CACNA2D4: variants seen among roughly 807,000 people sequenced by gnomAD.
CACNA2D4 encodes the protein calcium voltage-gated channel auxiliary subunit alpha2delta 4.
Under a neutral mutation model 163.8 loss-of-function variants are expected in CACNA2D4, and 157 were observed. The observed-to-expected ratio is 0.96, with a 90% confidence interval of 0.84 to 1.09. The LOEUF is 1.09. CACNA2D4 is among the 50% of genes least tolerant of loss of function. CACNA2D4 has a pLI of 0.00. For missense variants in CACNA2D4, 1,410 were observed against 1,479.9 expected, an observed-to-expected ratio of 0.95 and a Z score of 0.78; for synonymous variants, 598 against 586.9, an observed-to-expected ratio of 1.02 and a Z score of -0.27.
chr12:1,913,466 C>T (rs1273087179), intron 2 of CACNA2D4, among the ~76,000 whole-genome samples: 1 of 152,222 alleles, frequency 6.6e-6, no homozygotes, highest in African/African-American at 2.4e-5. Flanking sequence ...CTGATGGGGC[C>T]AGGTCTCTCA....
intron 29 of CACNA2D4, among the ~76,000 whole-genome samples, chr12:1,809,207 T>G (rs2154445765): frequency 6.6e-6 from 1 of 152,352 alleles, no homozygotes; most frequent in African/African-American, 2.4e-5. Context: ...ACGACTTCTT[T>G]GGATCCGAAG....
chr12:1,805,902 G>T (rs1191049554), intron 29 of CACNA2D4, among the ~76,000 whole-genome samples: 2 of 152,240 alleles, frequency 1.3e-5, no homozygotes, highest in African/African-American at 4.8e-5. Context: ...GGCCGCAGGC[G>T]GCAGGGAAGG....
intron 24 of CACNA2D4, among the ~76,000 whole-genome samples, chr12:1,845,138 T>C (rs537167592): frequency 6.6e-6 from 1 of 151,888 alleles, no homozygotes; most frequent in South Asian, 2.1e-4. Context: ...ATAACTGAGA[T>C]TTGGTTTTGA....
chr12:1,811,720 G>T lies in CACNA2D4; in HGVS notation c.2555C>A (p.Ala852Glu). Reference protein sequence around the residue: ...VDKRTAIAAAAGVQMKLEFLQ... With the variant: ...VDKRTAIAAAEGVQMKLEFLQ... ...GAATTCCAGCTTCATTTGGACGCCC[G>T]CGGCTACAGGGCAGAAAGAGAGAGG... The change falls in exon 27 of 38, where the codon GCG becomes GAG. Residue 852 changes from alanine to glutamate, a missense_variant. Ala to Glu is a moderately radical substitution (Grantham distance 107, BLOSUM62 -1). Coordinates refer to ENST00000382722, the MANE Select transcript of CACNA2D4 (RefSeq NM_172364.5). 3 of 1,558,692 alleles carry T rather than the reference G, an allele frequency of 1.9e-6. No homozygotes were observed. The highest frequency in any genetic ancestry group is 1.4e-5 in the African/African-American group (1 of 73,422).
intron 23 of CACNA2D4, among the ~76,000 whole-genome samples, chr12:1,852,825 T>C (rs1865314746): frequency 6.6e-6 from 1 of 152,192 alleles, no homozygotes; most frequent in Admixed American, 6.5e-5. Context: ...CTGCCTGCTG[T>C]TGATTCCAGC....
At chr12:1,904,376 G>T (rs1334417255) in intron 6 of CACNA2D4, among the ~76,000 whole-genome samples, 2 of 142,802 alleles carry the variant, frequency 1.4e-5, no homozygotes, top group African/African-American at 5.3e-5. Flanking sequence ...AGTATAATTG[G>T]ATTGTTTGTA....
chr12:1,799,688 A>C lies in CACNA2D4; in HGVS notation c.2982T>G (p.Ser994Arg). The change falls in exon 34 of 38, where the codon AGT becomes AGG. Residue 994 changes from serine (S) to arginine (R), a missense_variant. Transcript: ENST00000382722. The surrounding 1 kb of genome is among the most constrained non-coding windows in gnomAD (Gnocchi z 4.7). Reference sequence around the variant, plus strand: ...TGGGCTACTTACAGTGATGGAAGACACTTTTGGCTGGCCGGAACATAAGCC... The same window carrying C: ...TGGGCTACTTACAGTGATGGAAGACCCTTTTGGCTGGCCGGAACATAAGCC... ...SWYDRGAEAK[S>R]VFHHSHKHKK... 6.4e-7 allele frequency: 1 copy of C among 1,572,818 alleles called. No individual in the cohort carries two copies. The highest frequency in any genetic ancestry group is 8.6e-7 in the Non-Finnish European group (1 of 1,159,432).
intron 36 of CACNA2D4, 37 bp from the exon 37 acceptor site, chr12:1,795,418 C>G (rs950870078): frequency 7.6e-6 from 12 of 1,578,520 alleles, no homozygotes; most frequent in Non-Finnish European, 6.9e-6. Flanking sequence ...ATCTCAGGAC[C>G]GGAGCCCATT....
chr12:1,872,425 G>A (rs1432358767), intron 18 of CACNA2D4, among the ~76,000 whole-genome samples: 2 of 152,232 alleles, frequency 1.3e-5, no homozygotes, highest in African/African-American at 4.8e-5. Context: ...CCTGTACCGG[G>A]AGATGGCTCG....
intron 13 of CACNA2D4, among the ~76,000 whole-genome samples, chr12:1,880,140 A>C (rs1865963886): frequency 6.6e-6 from 1 of 152,244 alleles, no homozygotes; most frequent in African/African-American, 2.4e-5. Context: ...CCCATGACCC[A>C]GCCCCAAGCA....
At chr12:1,811,266 C>T (rs1379189493) in intron 27 of CACNA2D4, among the ~76,000 whole-genome samples, 4 of 152,196 alleles carry the variant, frequency 2.6e-5, no homozygotes, top group Admixed American at 6.5e-5. Context: ...GCCAGTAGAA[C>T]GGACAGGACG....
At chr12:1,879,124 A>G in intron 14 of CACNA2D4, 88 bp from the exon 15 acceptor site, 2 of 1,007,334 alleles carry the variant, frequency 2.0e-6, no homozygotes, top group Non-Finnish European at 1.6e-6. Flanking sequence ...AGAGCCTGGA[A>G]GAGGAAGCCA....
rs1156777699 is a variant in CACNA2D4 at position 1,869,680 on chromosome 12, AT to A, written c.1878+4923del. Among the ~76,000 whole-genome samples, 2 of 152,156 alleles carry A rather than the reference AT, an allele frequency of 1.3e-5. No homozygotes were observed. Among genetic ancestry groups the A allele is most frequent in the Non-Finnish European group, 2.9e-5 (2 of 68,036 alleles). ...GGATGCAGACACCAGCTTTCCATAG[AT>A]TTCATAAACAGCTCCCACAGTTTCA... On this transcript the variant is annotated intron_variant, in intron 18 of 37. Coordinates refer to ENST00000382722, the MANE Select transcript of CACNA2D4 (RefSeq NM_172364.5). This position sits in a 1 kb window ranked among gnomAD's most constrained non-coding sequence, Gnocchi z 4.7.
At chr12:1,803,809 C>T (rs1201887111) in intron 29 of CACNA2D4, among the ~76,000 whole-genome samples, 1 of 152,206 alleles carries the variant, frequency 6.6e-6, no homozygotes, top group African/African-American at 2.4e-5. Flanking sequence ...TCAAGAGCTT[C>T]AGACTAGTTT....
At chr12:1,850,701 G>A (rs1865257211) in intron 23 of CACNA2D4, among the ~76,000 whole-genome samples, 1 of 151,972 alleles carries the variant, frequency 6.6e-6, no homozygotes, top group South Asian at 2.1e-4. Context: ...TCAGGAGATT[G>A]AGACCATCCT....
intron 20 of CACNA2D4, 36 bp downstream of exon 20, chr12:1,858,541 T>G (rs1416733077): frequency 6.3e-7 from 1 of 1,598,030 alleles, no homozygotes; most frequent in Non-Finnish European, 8.6e-7. Flanking sequence ...CATTATTTTC[T>G]GCTTAACTGT....
intron 6 of CACNA2D4, among the ~76,000 whole-genome samples, chr12:1,892,728 A>G (rs1241807645): frequency 6.6e-6 from 1 of 152,214 alleles, no homozygotes; most frequent in Non-Finnish European, 1.5e-5. Context: ...GGGACCAACT[A>G]TATGCTGCCT....
At chr12:1,808,248 G>T (rs1033921566) in intron 29 of CACNA2D4, among the ~76,000 whole-genome samples, 9 of 152,116 alleles carry the variant, frequency 5.9e-5, no homozygotes, top group African/African-American at 1.9e-4. Context: ...CGGTTGTCCC[G>T]CTGCCTCTGG....
intron 26 of CACNA2D4, among the ~76,000 whole-genome samples, chr12:1,818,844 A>C (rs1863981091): frequency 6.7e-6 from 1 of 149,528 alleles, no homozygotes; most frequent in Non-Finnish European, 1.5e-5. Context: ...CAGGGACACA[A>C]ACACTGCGGA....
Sources: gnomAD v4.1 joint callset for allele counts (sites outside exome capture counted in the v4.1 genomes callset) on GRCh38, gnomAD v4.1.1 for gene constraint, Gnocchi (gnomAD v3.1) non-coding constraint, MANE v1.5 for transcripts, NCBI Gene and HGNC (gene_info 2026-07-23, HGNC 2026-07-21) for gene names.